AGBL1: variants seen among roughly 807,000 people sequenced by gnomAD.
The protein encoded by AGBL1 is cytosolic carboxypeptidase 4.
In AGBL1, 130 loss-of-function variants were observed where a neutral mutation model predicts 118.9. The ratio of observed to expected loss-of-function variants is 1.09; its 90% CI spans 0.95 to 1.26. The LOEUF is 1.26. AGBL1 is among the 50% of genes most tolerant of loss of function. The pLI is 0.00. For synonymous variants in AGBL1, 555 were observed against 478.9 expected (o/e 1.16, Z -2.08); for missense variants, 1,584 against 1,298.1 (o/e 1.22, Z -3.38).
At chr15:86,890,409 T>A (rs1297991160) in intron 22 of AGBL1, among the ~76,000 whole-genome samples, 1 of 152,184 alleles carries the variant, frequency 6.6e-6, no homozygotes, top group African/African-American at 2.4e-5. Flanking sequence ...TAGACTCCAT[T>A]TGTCAACTTT....
intron 7 of AGBL1, among the ~76,000 whole-genome samples, chr15:86,255,482 G>C (rs1223985483): frequency 3.9e-5 from 6 of 152,146 alleles, no homozygotes; most frequent in Non-Finnish European, 7.4e-5. Flanking sequence ...ATTTCATTTT[G>C]AAAGCTGGCT....
rs902574786 is a variant in AGBL1 at position 86,525,535 on chromosome 15, C to T, written c.2685+2596C>T. Among the ~76,000 whole-genome samples, 7 of 152,182 alleles carry T rather than the reference C, an allele frequency of 4.6e-5. No individual in the cohort carries two copies. In the East Asian group the frequency reaches 9.7e-4, roughly 21 times the overall value. ...AGCATGGCACTGGTATAAAAGTAGG[C>T]ACATAGACCAATGGAACAGAATAGA... On this transcript the variant is annotated intron_variant, in intron 19 of 22. Coordinates refer to ENST00000614907, the MANE Select transcript of AGBL1 (RefSeq NM_001386094.1).
chr15:86,436,559 C>A (rs2082002421), intron 18 of AGBL1, among the ~76,000 whole-genome samples: 1 of 152,020 alleles, frequency 6.6e-6, no homozygotes, highest in African/African-American at 2.4e-5. Context: ...TAATGTGTTC[C>A]CACTAGGTGA....
chr15:86,747,993 C>T (rs571095279), intron 22 of AGBL1, among the ~76,000 whole-genome samples: 1 of 152,196 alleles, frequency 6.6e-6, no homozygotes, highest in Admixed American at 6.5e-5. Context: ...GGTATATACC[C>T]AGTAATGGGA....
intron 15 of AGBL1, among the ~76,000 whole-genome samples, chr15:86,274,365 T>C (rs1057483335): frequency 2.6e-5 from 4 of 151,936 alleles, no homozygotes; most frequent in Non-Finnish European, 5.9e-5. Context: ...AGGGTAGGGG[T>C]AGGCTATGTC....
At chr15:86,973,970 T>A (rs55650926) in intron 23 of AGBL1, among the ~76,000 whole-genome samples, 1,997 of 134,228 alleles carry the variant, frequency 0.015, 4 homozygotes, top group Non-Finnish European at 0.022. Context: ...ACATATTTAA[T>A]ATATTAAATA....
At chr15:86,210,076 C>T (rs1345803140) in intron 5 of AGBL1, among the ~76,000 whole-genome samples, 1 of 152,266 alleles carries the variant, frequency 6.6e-6, no homozygotes, top group Admixed American at 6.5e-5. Context: ...ACTTATGAAG[C>T]TTAGTTTGGC....
At chr15:86,148,743 C>G (rs961464367) in intron 3 of AGBL1, among the ~76,000 whole-genome samples, 1 of 152,194 alleles carries the variant, frequency 6.6e-6, no homozygotes. Flanking sequence ...CCTAGCAAGG[C>G]AGGCCAACAT....
chr15:87,012,631 A>G (rs1243590806), intron 24 of AGBL1, among the ~76,000 whole-genome samples: 1 of 152,066 alleles, frequency 6.6e-6, no homozygotes, highest in Non-Finnish European at 1.5e-5. Flanking sequence ...TTCCTCTATT[A>G]TAGTATTGGT....
chr15:87,023,776 T>A (rs1342328422), intron 24 of AGBL1, among the ~76,000 whole-genome samples: 1 of 151,948 alleles, frequency 6.6e-6, no homozygotes, highest in African/African-American at 2.4e-5. Context: ...TGAAATTATA[T>A]CAAGCACTCT....
At chr15:86,461,768 A>G (rs116826090) in intron 18 of AGBL1, among the ~76,000 whole-genome samples, 77 of 152,158 alleles carry the variant, frequency 5.1e-4, no homozygotes, top group African/African-American at 1.8e-3. Context: ...CTTTTACTCT[A>G]TGGTACCCTA....
chr15:86,740,460 A>C (rs1177962909), intron 22 of AGBL1, among the ~76,000 whole-genome samples: 1 of 152,172 alleles, frequency 6.6e-6, no homozygotes, highest in East Asian at 1.9e-4. Context: ...GATCTGAGGG[A>C]AGGAGTAAAA....
intron 22 of AGBL1, among the ~76,000 whole-genome samples, chr15:86,816,859 T>C (rs1488949442): frequency 6.6e-6 from 1 of 152,150 alleles, no homozygotes. Flanking sequence ...TCTAAATATT[T>C]TTTTTCCTTA....
chr15:86,892,140 G>A (rs1338534886), intron 22 of AGBL1, among the ~76,000 whole-genome samples: 2 of 152,012 alleles, frequency 1.3e-5, no homozygotes, highest in African/African-American at 2.4e-5. Context: ...GTCAAACACC[G>A]TCTCTCCTTT....
chr15:86,304,864 A>G (rs1015994754), intron 17 of AGBL1: 3 of 152,220 alleles, frequency 2.0e-5, no homozygotes, highest in Non-Finnish European at 2.9e-5. Context: ...TTCCATGTAA[A>G]GGTAGGGGAA....
At chr15:86,320,234 C>T (rs1009464709) in intron 17 of AGBL1, among the ~76,000 whole-genome samples, 7 of 152,128 alleles carry the variant, frequency 4.6e-5, no homozygotes. Context: ...TAATGCTCCT[C>T]TCCAAGGTTT....
chr15:86,427,922 C>T (rs915136403), intron 18 of AGBL1, among the ~76,000 whole-genome samples: 3 of 152,176 alleles, frequency 2.0e-5, no homozygotes, highest in Non-Finnish European at 2.9e-5. Context: ...TACCCTCTCC[C>T]TTTTCCTTTA....
rs200743690 is a variant in AGBL1 at position 86,555,907 on chromosome 15, G to GA, written c.2994+1379dup. ...TTGTCATTCAAAACGTATAAGATTG[G>GA]AAAAAAAAAGCTTTAAATATTGTGA... On this transcript the variant is annotated intron_variant, in intron 21 of 22. Coordinates refer to ENST00000614907, the MANE Select transcript of AGBL1 (RefSeq NM_001386094.1). Among the ~76,000 whole-genome samples the GA allele has an allele frequency of 6.7e-5, 10 of 150,202 alleles. No individual in the cohort carries two copies. The South Asian group carries it at 8.5e-4, about 13-fold the overall frequency.
chr15:86,633,799 GTATATATATATAATGTA>G (rs1234167994), intron 21 of AGBL1, among the ~76,000 whole-genome samples: 904 of 86,832 alleles, frequency 0.01, 8 homozygotes, highest in Non-Finnish European at 0.018. Flanking sequence ...TATATATAAT[GTATATATATATAATGTA>G]TGTATATATA....
Sources: allele counts gnomAD v4.1 joint callset (sites outside exome capture counted in the v4.1 genomes callset), GRCh38; gene constraint gnomAD v4.1.1; transcripts MANE v1.5; gene names NCBI Gene and HGNC (gene_info 2026-07-23, HGNC 2026-07-21).